DNAI4: variants seen among roughly 807,000 people sequenced by gnomAD.
DNAI4 encodes the protein dynein axonemal intermediate chain 4.
Under a neutral mutation model 105.8 loss-of-function variants are expected in DNAI4, and 85 were observed. The observed-to-expected ratio is 0.80, with a 90% CI of 0.67 to 0.96. The LOEUF (loss-of-function observed/expected upper bound fraction) is 0.96. Ranked by LOEUF, DNAI4 falls within the 40% of genes least tolerant of loss-of-function variation. DNAI4 has a pLI of 0.00. For synonymous variants in DNAI4, 352 were observed against 331.5 expected (o/e 1.06, Z -0.67); for missense variants, 1,014 against 1,005.6 (o/e 1.01, Z -0.11).
At chr1:66,903,984 T>C (rs1034556585) in intron 2 of DNAI4, among the ~76,000 whole-genome samples, 4 of 151,206 alleles carry the variant, frequency 2.6e-5, no homozygotes, top group Non-Finnish European at 4.4e-5. Context: ...AAAATAATTT[T>C]ATATATATAT....
chr1:66,900,248 T>C (rs1648696004), intron 2 of DNAI4, among the ~76,000 whole-genome samples: 1 of 151,952 alleles, frequency 6.6e-6, no homozygotes, highest in Non-Finnish European at 1.5e-5. Flanking sequence ...ATTACAGGCA[T>C]GCACCACCAC....
intron 6 of DNAI4, among the ~76,000 whole-genome samples, chr1:66,866,351 C>A (rs1646733429): frequency 6.6e-6 from 1 of 151,870 alleles, no homozygotes. Context: ...AAGCTAGATG[C>A]AGAAAAGAAT....
At chr1:66,900,009 T>G (rs1288788148) in intron 2 of DNAI4, among the ~76,000 whole-genome samples, 6 of 152,198 alleles carry the variant, frequency 3.9e-5, no homozygotes, top group Non-Finnish European at 7.3e-5. Flanking sequence ...TACTTTGCTC[T>G]TTTTCAGGAT....
chr1:66,881,469 GAA>G (rs1014103349), intron 4 of DNAI4, among the ~76,000 whole-genome samples: 2 of 152,218 alleles, frequency 1.3e-5, no homozygotes, highest in African/African-American at 4.8e-5. Flanking sequence ...GATACGGAGT[GAA>G]AAGAGATCAT....
At chr1:66,822,664 C>T in intron 15 of DNAI4, 147 bp from the exon 16 acceptor site, 1 of 635,740 alleles carries the variant, frequency 1.6e-6, no homozygotes. Context: ...ATAACTGCTC[C>T]TCACTCCTTA....
chr1:66,831,035 G>C (rs1005555356), intron 13 of DNAI4, among the ~76,000 whole-genome samples: 2 of 148,020 alleles, frequency 1.4e-5, no homozygotes, highest in East Asian at 3.9e-4. Context: ...ACTGTTAAAG[G>C]ATGCTAAGGG....
At chr1:66,887,679 T>C (rs1185245062) in intron 4 of DNAI4, among the ~76,000 whole-genome samples, 1 of 152,108 alleles carries the variant, frequency 6.6e-6, no homozygotes, top group Non-Finnish European at 1.5e-5. Flanking sequence ...TGCTATTAAA[T>C]TTTACTACTA....
intron 3 of DNAI4, 61 bp downstream of exon 3, chr1:66,893,168 A>G (rs1232614119): frequency 1.0e-6 from 1 of 983,470 alleles, no homozygotes; most frequent in Non-Finnish European, 1.4e-6. Flanking sequence ...CACATTTGCA[A>G]TTTAAATGGA....
chr1:66,921,898 T>A (rs1305444078), intron 1 of DNAI4, among the ~76,000 whole-genome samples: 1 of 117,950 alleles, frequency 8.5e-6, no homozygotes, highest in African/African-American at 5.7e-5. Flanking sequence ...TGTAGAAATT[T>A]TTTTTTTTTT....
intron 4 of DNAI4, among the ~76,000 whole-genome samples, chr1:66,879,664 T>C (rs1647027177): frequency 6.6e-6 from 1 of 152,232 alleles, no homozygotes; most frequent in Non-Finnish European, 1.5e-5. Flanking sequence ...GAATGAGAGT[T>C]CCTATTTCTC....
At position 66,874,857 on chromosome 1, in the gene DNAI4, C is replaced by T; in HGVS notation, c.724G>A (p.Glu242Lys). 1 of 1,613,760 alleles carries T rather than the reference C, an allele frequency of 6.2e-7. No individual in the cohort carries two copies. The highest frequency in any genetic ancestry group is 1.1e-5 in the South Asian group (1 of 91,042). Residue 242 changes from glutamate to lysine, a missense_variant, in exon 5 of 17, where the codon GAG becomes AAG. Physicochemically the swap from Glu to Lys is moderately conservative, Grantham distance 56 (BLOSUM62 1). Coordinates refer to ENST00000371026, the MANE Select transcript of DNAI4 (RefSeq NM_024763.5). ...TCAAAAAATCTCAGTGTTTCTGTCT[C>T]TGTGAGTATTATCTCTATATTCTTC... The part of the protein sequence containing the change: ...LEKNIEIILT[E>K]TETLRFFDLP...
rs971935249 is a variant in DNAI4, at chr1:66,823,909, T to G, written c.2340-1392A>C. Among the ~76,000 whole-genome samples the G allele has an allele frequency of 2.7e-3, 399 of 150,558 alleles. 3 individuals are homozygous for G. Among genetic ancestry groups the G allele is most frequent in the South Asian group, 0.01 (48 of 4,768 alleles). On this transcript the variant is annotated intron_variant, in intron 15 of 16. Transcript: ENST00000371026. The stretch of plus-strand genomic sequence containing the variant: ...CTTTTGCTGTGCAGAAGCTCTTTAG[T>G]TTAATTAGATCCCATTTGTCAATTT...
At chr1:66,861,898 G>A (rs910856942) in intron 7 of DNAI4, among the ~76,000 whole-genome samples, 19 of 152,124 alleles carry the variant, frequency 1.2e-4, no homozygotes, top group African/African-American at 4.6e-4. Context: ...GTAGGAAAGA[G>A]AGCTTAAGAG....
intron 13 of DNAI4, among the ~76,000 whole-genome samples, chr1:66,830,945 C>A (rs138864442): frequency 1.4e-5 from 2 of 139,418 alleles, no homozygotes; most frequent in Non-Finnish European, 3.0e-5. Flanking sequence ...CCACTGCACT[C>A]CAGCCTAGAT....
chr1:66,845,216 T>TAAAAAAAAAAAAAAAAAAAAAAAAAAAA, intron 8 of DNAI4, among the ~76,000 whole-genome samples: 1 of 21,110 alleles, frequency 4.7e-5, no homozygotes, highest in African/African-American at 1.6e-4. Context: ...AAAAGAAAAA[T>TAAAAAAAAAAAAAAAAAAAAAAAAAAAA]TAAAAAAAAA....
At chr1:66,921,681 C>A (rs1263433320) in intron 1 of DNAI4, among the ~76,000 whole-genome samples, 2 of 152,088 alleles carry the variant, frequency 1.3e-5, no homozygotes, top group Non-Finnish European at 2.9e-5. Context: ...ATTAAAATTT[C>A]TATACCTTAA....
At chr1:66,917,705 C>G (rs1203847728) in intron 1 of DNAI4, among the ~76,000 whole-genome samples, 1 of 152,166 alleles carries the variant, frequency 6.6e-6, no homozygotes, top group Non-Finnish European at 1.5e-5. Flanking sequence ...TTTTCACTAC[C>G]TGATTTCTCC....
intron 4 of DNAI4, among the ~76,000 whole-genome samples, chr1:66,884,601 T>C (rs1034376852): frequency 1.3e-5 from 2 of 152,222 alleles, no homozygotes; most frequent in Non-Finnish European, 2.9e-5. Context: ...GTTTTTTCAA[T>C]GTGTTGTGGA....
intron 1 of DNAI4, among the ~76,000 whole-genome samples, chr1:66,912,510 C>G (rs977890314): frequency 6.6e-6 from 1 of 152,010 alleles, no homozygotes; most frequent in African/African-American, 2.4e-5. Flanking sequence ...CCATTTGTCT[C>G]TCACCTACCT....
Sources: allele counts gnomAD v4.1 joint callset (sites outside exome capture counted in the v4.1 genomes callset), GRCh38; gene constraint gnomAD v4.1.1; transcripts MANE v1.5; gene names NCBI Gene and HGNC (gene_info 2026-07-23, HGNC 2026-07-21).